CERS6: variants seen among roughly 807,000 people sequenced by gnomAD.
CERS6 encodes ceramide synthase 6.
A neutral mutation model predicts 56.8 loss-of-function variants in CERS6; 26 were observed. The ratio of observed to expected loss-of-function variants is 0.46; its 90% CI spans 0.34 to 0.63. CERS6 has a LOEUF of 0.63. Ranked by LOEUF, CERS6 falls within the 30% of genes least tolerant of loss-of-function variation. CERS6 has a pLI of 0.01. For synonymous variants in CERS6, 164 were observed against 173.3 expected (o/e 0.95, Z 0.42); for missense variants, 415 against 467.5 (o/e 0.89, Z 1.04).
chr2:168,537,533 A>G (rs1695286955), intron 1 of CERS6, among the ~76,000 whole-genome samples: 1 of 152,222 alleles, frequency 6.6e-6, no homozygotes, highest in South Asian at 2.1e-4. Context: ...TTTATAAAAT[A>G]GCCTGCTTTA....
At chr2:168,476,948 T>C (rs986615915) in intron 1 of CERS6, among the ~76,000 whole-genome samples, 4 of 152,128 alleles carry the variant, frequency 2.6e-5, no homozygotes, top group African/African-American at 9.7e-5. Flanking sequence ...CCAGTGAAGT[T>C]GACACCCAAA....
chr2:168,533,585 G>A (rs1373863957), intron 1 of CERS6, among the ~76,000 whole-genome samples: 1 of 152,140 alleles, frequency 6.6e-6, no homozygotes, highest in Non-Finnish European at 1.5e-5. Flanking sequence ...AAGATCTGCT[G>A]TTAGTGTGGT....
At chr2:168,620,728 C>A (rs1403974560) in intron 3 of CERS6, among the ~76,000 whole-genome samples, 1 of 151,076 alleles carries the variant, frequency 6.6e-6, no homozygotes, top group Non-Finnish European at 1.5e-5. Flanking sequence ...AAAACTGACA[C>A]CAAGCAGGGT....
intron 1 of CERS6, among the ~76,000 whole-genome samples, chr2:168,492,428 G>A (rs1418720543): frequency 2.0e-5 from 3 of 152,178 alleles, no homozygotes; most frequent in African/African-American, 7.2e-5. Context: ...TTTGAGAAGT[G>A]TCTGTTCATA....
At chr2:168,737,392 C>T (rs187594624) in intron 8 of CERS6, among the ~76,000 whole-genome samples, 88 of 152,288 alleles carry the variant, frequency 5.8e-4, no homozygotes, top group African/African-American at 1.9e-3. Context: ...AATTCTGCGG[C>T]GTCCTTTTGA....
chr2:168,492,658 C>T (rs1043368779), intron 1 of CERS6, among the ~76,000 whole-genome samples: 1 of 152,260 alleles, frequency 6.6e-6, no homozygotes, highest in Admixed American at 6.5e-5. Flanking sequence ...GTTGCCATTG[C>T]TTTTGGTGTT....
intron 1 of CERS6, among the ~76,000 whole-genome samples, chr2:168,482,567 T>G (rs557579338): frequency 6.6e-6 from 1 of 152,256 alleles, no homozygotes; most frequent in Non-Finnish European, 1.5e-5. Flanking sequence ...GCAAAAAATT[T>G]GATTTCAACT....
At chr2:168,690,776 A>G (rs560717159) in intron 4 of CERS6, among the ~76,000 whole-genome samples, 1 of 152,296 alleles carries the variant, frequency 6.6e-6, no homozygotes, top group South Asian at 2.1e-4. Flanking sequence ...CCAGCAAAAT[A>G]GAAAAAACAC....
chr2:168,731,321 A>C (rs948064328), intron 8 of CERS6, among the ~76,000 whole-genome samples: 3 of 152,170 alleles, frequency 2.0e-5, no homozygotes, highest in African/African-American at 7.2e-5. Flanking sequence ...AAGCAGCACA[A>C]GACTGTGAAC....
chr2:168,568,548 A>G (rs1044380303), intron 3 of CERS6, among the ~76,000 whole-genome samples: 4 of 148,878 alleles, frequency 2.7e-5, no homozygotes, highest in African/African-American at 9.9e-5. Context: ...CCAGAAATAC[A>G]TCCTTTATCA....
chr2:168,583,812 C>T (rs1220383761), intron 3 of CERS6, among the ~76,000 whole-genome samples: 5 of 152,186 alleles, frequency 3.3e-5, no homozygotes, highest in Non-Finnish European at 7.3e-5. Context: ...TTCTATCATT[C>T]AATAAAATGA....
In CERS6 at chr2:168,505,209, C is replaced by T. The variant is rs1481005260; in HGVS notation, c.171-42387C>T. On this transcript the variant is annotated intron_variant, in intron 1 of 9. Transcript: ENST00000305747. ...CCTGGGCAACATGGCAAAACTCTGTCTCTATAAAAAATGCAAAAAAAAATT... is the reference window on the plus strand; with the variant it reads ...CCTGGGCAACATGGCAAAACTCTGTTTCTATAAAAAATGCAAAAAAAAATT... Among the ~76,000 whole-genome samples the T allele has an allele frequency of 2.6e-5, 4 of 151,314 alleles. No individual in the cohort carries two copies. In the South Asian group the frequency reaches 6.3e-4, roughly 24 times the overall value.
intron 8 of CERS6, among the ~76,000 whole-genome samples, chr2:168,720,625 A>G (rs1455335767): frequency 2.6e-5 from 4 of 152,168 alleles, no homozygotes; most frequent in African/African-American, 9.7e-5. Flanking sequence ...CATCTCTTAA[A>G]TAGGAATGAT....
At chr2:168,632,116 G>A (rs1049639267) in intron 4 of CERS6, among the ~76,000 whole-genome samples, 11 of 151,360 alleles carry the variant, frequency 7.3e-5, no homozygotes, top group Non-Finnish European at 1.6e-4. Context: ...AACTACTGTC[G>A]GGTTAGACTC....
intron 2 of CERS6, among the ~76,000 whole-genome samples, chr2:168,557,020 A>T (rs11903604): frequency 0.69 from 95,614 of 137,784 alleles, 34,353 homozygotes; most frequent in African/African-American, 0.88. Flanking sequence ...AAAAAAAAAA[A>T]AGGCATGTTG....
Position 168,604,667 on chromosome 2 carries a change from T to G in CERS6, c.408-26318T>G, listed in dbSNP as rs114000384. On this transcript the variant is annotated intron_variant, in intron 3 of 9. Coordinates refer to ENST00000305747, the MANE Select transcript of CERS6 (RefSeq NM_203463.3). The stretch of plus-strand genomic sequence containing the variant: ...TGAGTTCTCATGAGATCTGGTTGTT[T>G]AAGAGTATGGAGTATGTGGCACCTC... Among the ~76,000 whole-genome samples, 394 of 152,234 alleles carry G rather than the reference T, an allele frequency of 2.6e-3. 5 individuals are homozygous for G. The highest frequency in any genetic ancestry group is 9.0e-3 in the African/African-American group (373 of 41,528).
At chr2:168,707,302 G>GA (rs991931263) in intron 6 of CERS6, among the ~76,000 whole-genome samples, 3 of 152,002 alleles carry the variant, frequency 2.0e-5, no homozygotes, top group East Asian at 1.9e-4. Flanking sequence ...AATCTATTGG[G>GA]AAAAAAGTGT....
At chr2:168,492,981 C>T (rs1025569507) in intron 1 of CERS6, among the ~76,000 whole-genome samples, 1 of 152,108 alleles carries the variant, frequency 6.6e-6, no homozygotes, top group African/African-American at 2.4e-5. Flanking sequence ...CTTCTTTTTA[C>T]TTCTCAATGG....
intron 4 of CERS6, among the ~76,000 whole-genome samples, chr2:168,648,451 A>C (rs576591478): frequency 6.6e-6 from 1 of 152,084 alleles, no homozygotes; most frequent in South Asian, 2.1e-4. Context: ...TGTGTATCTT[A>C]TGAATTTTTT....
Sources: allele counts gnomAD v4.1 joint callset (sites outside exome capture counted in the v4.1 genomes callset), GRCh38; gene constraint gnomAD v4.1.1; transcripts MANE v1.5; gene names NCBI Gene and HGNC (gene_info 2026-07-23, HGNC 2026-07-21).